QTGAL: variants seen among roughly 807,000 people sequenced by gnomAD.
QTGAL encodes queuosine-tRNA galactosyltransferase.
At chr17:83,043,065 G>C in the QTGAL span, among the ~76,000 whole-genome samples, 6 of 152,320 alleles carry the variant, frequency 3.9e-5, no homozygotes, top group Non-Finnish European at 8.8e-5. Flanking sequence ...GGGAGAAACA[G>C]TTCTACCGTA....
chr17:83,034,229 C>T, the QTGAL span, among the ~76,000 whole-genome samples: 4 of 152,204 alleles, frequency 2.6e-5, no homozygotes, highest in African/African-American at 9.7e-5. Flanking sequence ...CGTGAGCCAC[C>T]GCGCCCAGCC....
chr17:83,050,159 T>G, the QTGAL span, among the ~76,000 whole-genome samples: 3 of 152,086 alleles, frequency 2.0e-5, no homozygotes, highest in Non-Finnish European at 4.4e-5. Flanking sequence ...TCATCTGATG[T>G]CGGGAGTTCA....
the QTGAL span, among the ~76,000 whole-genome samples, chr17:82,976,624 C>T: frequency 3.6e-5 from 2 of 55,482 alleles, no homozygotes. Context: ...GGACCAGAGG[C>T]CACTATGGAG....
At chr17:83,046,434 G>A in the QTGAL span, among the ~76,000 whole-genome samples, 5 of 152,184 alleles carry the variant, frequency 3.3e-5, no homozygotes, top group African/African-American at 1.2e-4. Flanking sequence ...ACCATGCCTG[G>A]CCCAAGGAAG....
chr17:82,963,834 C>T, the QTGAL span, among the ~76,000 whole-genome samples: 1 of 151,514 alleles, frequency 6.6e-6, no homozygotes, highest in African/African-American at 2.4e-5. Context: ...ATTGTACAGC[C>T]CTATAAATTT....
the QTGAL span, among the ~76,000 whole-genome samples, chr17:83,030,016 C>T: frequency 2.6e-5 from 4 of 152,272 alleles, no homozygotes; most frequent in East Asian, 3.9e-4. Context: ...TCGCTACCCA[C>T]GAAAACAGGT....
chr17:83,045,341 A>G, the QTGAL span, among the ~76,000 whole-genome samples: 1 of 152,362 alleles, frequency 6.6e-6, no homozygotes, highest in African/African-American at 2.4e-5. Flanking sequence ...GAGAAAGAAT[A>G]GTCTTTTAAA....
the QTGAL span, chr17:82,960,989 C>A: frequency 6.5e-7 from 1 of 1,538,786 alleles, no homozygotes; most frequent in Non-Finnish European, 8.8e-7. Context: ...CAACCCCGGC[C>A]CCGACCTCGG....
chr17:82,994,055 A>G, the QTGAL span, among the ~76,000 whole-genome samples: 4 of 152,170 alleles, frequency 2.6e-5, no homozygotes, highest in African/African-American at 7.2e-5. Context: ...TACATCAAAA[A>G]AGAAGAAAAC....
At chr17:82,965,669 G>T in the QTGAL span, 39 of 1,610,720 alleles carry the variant, frequency 2.4e-5, no homozygotes, top group African/African-American at 4.7e-4. Flanking sequence ...CCTCGTTAAA[G>T]GGGCCCACGT....
chr17:83,038,728 G>A, the QTGAL span, among the ~76,000 whole-genome samples: 30,723 of 151,828 alleles, frequency 0.2, 3,262 homozygotes, highest in Non-Finnish European at 0.24. Context: ...GCGTGGTGGC[G>A]GGCTCCTGTA....
At chr17:83,044,908 T>C in the QTGAL span, among the ~76,000 whole-genome samples, 1 of 150,458 alleles carries the variant, frequency 6.6e-6, no homozygotes, top group East Asian at 2.0e-4. Flanking sequence ...ATCGTGCCAC[T>C]GCACTCCAGC....
the QTGAL span, chr17:82,948,121 A>G: frequency 6.6e-6 from 1 of 152,228 alleles, no homozygotes; most frequent in African/African-American, 2.4e-5. Context: ...CGCAGCGTGC[A>G]GTAGGCCGGT....
the QTGAL span, among the ~76,000 whole-genome samples, chr17:82,951,544 G>A: frequency 6.6e-6 from 1 of 152,300 alleles, no homozygotes; most frequent in Admixed American, 6.5e-5. Context: ...TTCACTGGAG[G>A]ACCACTTTTA....
the QTGAL span, among the ~76,000 whole-genome samples, chr17:82,963,011 G>A: frequency 2.0e-5 from 3 of 152,192 alleles, no homozygotes; most frequent in Non-Finnish European, 4.4e-5. Context: ...GGACTGCCCT[G>A]TGGTGTGGAG....
the QTGAL span, among the ~76,000 whole-genome samples, chr17:82,987,827 T>C: frequency 6.6e-6 from 1 of 152,208 alleles, no homozygotes; most frequent in African/African-American, 2.4e-5. Context: ...GGTAATTTAA[T>C]GGGAATAGCA....
At chr17:82,995,366 G>A in the QTGAL span, among the ~76,000 whole-genome samples, 2 of 151,714 alleles carry the variant, frequency 1.3e-5, no homozygotes, top group Admixed American at 1.3e-4. Context: ...ACATACAAAA[G>A]TCAGTAGCAT....
At chr17:83,035,288 T>C in the QTGAL span, among the ~76,000 whole-genome samples, 1 of 151,978 alleles carries the variant, frequency 6.6e-6, no homozygotes, top group African/African-American at 2.4e-5. Context: ...CAAGCGATTC[T>C]CCTGCCTCAG....
At chr17:82,947,276 G>C in the QTGAL span, 1 of 433,626 alleles carries the variant, frequency 2.3e-6, no homozygotes, top group Non-Finnish European at 4.1e-6. Flanking sequence ...AATGGAATGA[G>C]ACTAACAGGC....
Sources: allele counts gnomAD v4.1 joint callset (sites outside exome capture counted in the v4.1 genomes callset), GRCh38; gene constraint gnomAD v4.1.1; transcripts MANE v1.5; gene names NCBI Gene and HGNC (gene_info 2026-07-23, HGNC 2026-07-21).